The following OTUD7A variants were observed in gnomAD, a reference collection of about 807,000 sequenced individuals.
OTUD7A encodes the protein OTU deubiquitinase 7A.
Under a neutral mutation model 65.7 loss-of-function variants are expected in OTUD7A, and 12 were observed. That is an observed-to-expected ratio of 0.18 (90% confidence interval 0.12 to 0.30). The LOEUF is 0.30. OTUD7A is among the 10% of genes least tolerant of loss of function. The pLI, the probability that OTUD7A is intolerant of heterozygous loss-of-function variation, is 1.00. For missense variants in OTUD7A, 1,148 were observed against 1,304.8 expected (o/e 0.88, Z 1.85); for synonymous variants, 641 against 586.3 (o/e 1.09, Z -1.35).
chr15:31,615,441 CA>C (rs1362719063), intron 3 of OTUD7A, among the ~76,000 whole-genome samples: 1 of 152,070 alleles, frequency 6.6e-6, no homozygotes, highest in Non-Finnish European at 1.5e-5. Flanking sequence ...TTCTTAACTT[CA>C]AATTATATAA....
intron 1 of OTUD7A, among the ~76,000 whole-genome samples, chr15:31,749,918 TA>T (rs1390152249): frequency 6.6e-5 from 10 of 151,766 alleles, no homozygotes; most frequent in African/African-American, 2.4e-4. Flanking sequence ...TATACACCAA[TA>T]ACATTCAAGC....
rs2041114381 is a variant in OTUD7A at position 31,481,255 on chromosome 15, G to C, written c.*2039C>G. 2 of 152,118 alleles carry C rather than the reference G, an allele frequency of 1.3e-5. No homozygotes were observed. The highest frequency in any genetic ancestry group is 2.9e-5 in the Non-Finnish European group (2 of 68,034). 9.4% of individuals were successfully genotyped at this position (152,118 alleles called of 1,614,324 possible). A position where few individuals can be genotyped will look rare whatever the true frequency, so the allele number is the denominator to read the frequency against. Reference sequence around the variant, plus strand: ...AGTTTGGTTTCTGAATGGATTATTGGAGCATTTTTAAGGTTGGGTGTCTCA... The same window carrying C: ...AGTTTGGTTTCTGAATGGATTATTGCAGCATTTTTAAGGTTGGGTGTCTCA... On this transcript the variant is annotated 3_prime_UTR_variant, in exon 13 of 13. Transcript: ENST00000307050.
intron 1 of OTUD7A, among the ~76,000 whole-genome samples, chr15:31,697,408 G>A (rs574345274): frequency 0.018 from 2,638 of 143,286 alleles, 110 homozygotes; most frequent in African/African-American, 0.065. Context: ...CTCGCATGCT[G>A]TCTGCTGAAT....
At chr15:31,865,508 G>A (rs913939088) in intron 1 of OTUD7A, among the ~76,000 whole-genome samples, 1 of 152,328 alleles carries the variant, frequency 6.6e-6, no homozygotes, top group African/African-American at 2.4e-5. Flanking sequence ...CTAACCCTAA[G>A]CTTACTGTAA....
At chr15:31,723,234 C>A (rs1232129940) in intron 1 of OTUD7A, among the ~76,000 whole-genome samples, 1 of 152,182 alleles carries the variant, frequency 6.6e-6, no homozygotes, top group Non-Finnish European at 1.5e-5. Flanking sequence ...GGAGGCCTGC[C>A]AGCCAACTAC....
intron 5 of OTUD7A, among the ~76,000 whole-genome samples, chr15:31,531,176 C>G (rs1887610095): frequency 1.3e-5 from 2 of 152,090 alleles, no homozygotes. Context: ...GGCACACATA[C>G]CTTTGAAAGT....
chr15:31,809,400 G>A (rs925986938), intron 1 of OTUD7A, among the ~76,000 whole-genome samples: 5 of 152,166 alleles, frequency 3.3e-5, no homozygotes, highest in African/African-American at 9.7e-5. Context: ...TCTAGCGTTG[G>A]GCAATGGATA....
At chr15:31,560,714 C>T (rs965281417) in intron 4 of OTUD7A, among the ~76,000 whole-genome samples, 7 of 149,930 alleles carry the variant, frequency 4.7e-5, no homozygotes, top group African/African-American at 1.8e-4. Context: ...TAAGCATTGT[C>T]TAAGCCCTGT....
At chr15:31,546,597 T>G (rs540089048) in intron 5 of OTUD7A, among the ~76,000 whole-genome samples, 46 of 152,312 alleles carry the variant, frequency 3.0e-4, no homozygotes, top group African/African-American at 1.1e-3. Context: ...GGAACTGAAT[T>G]GGCCAGCACC....
At position 31,518,427 on chromosome 15, in the gene OTUD7A, C is replaced by T. The variant is rs530705471; in HGVS notation, c.893+7922G>A. 2.9e-4 allele frequency among the ~76,000 whole-genome samples: 44 copies of T among 151,936 alleles called. 2 individuals carry two copies. Among genetic ancestry groups the T allele is most frequent in the African/African-American group, 1.0e-3 (42 of 41,404 alleles). On this transcript the variant is annotated intron_variant, in intron 8 of 12. Coordinates refer to ENST00000307050, the MANE Select transcript of OTUD7A (RefSeq NM_001382637.1). ...GGTGGAGGTTGCAGTGAGCCGAGAT[C>T]GCACCACTGCATTCTAGCCTGGGTG...
chr15:31,687,293 C>T (rs1311642985), intron 1 of OTUD7A, among the ~76,000 whole-genome samples: 9 of 152,118 alleles, frequency 5.9e-5, no homozygotes, highest in Non-Finnish European at 1.2e-4. Context: ...ATGAATACTT[C>T]CTGCCATAGT....
chr15:31,737,829 T>G (rs1027435538), intron 1 of OTUD7A, among the ~76,000 whole-genome samples: 1 of 152,180 alleles, frequency 6.6e-6, no homozygotes, highest in Non-Finnish European at 1.5e-5. Flanking sequence ...AGGACATCCA[T>G]GCTGTACAGT....
intron 1 of OTUD7A, among the ~76,000 whole-genome samples, chr15:31,668,677 T>G (rs1892394954): frequency 6.6e-6 from 1 of 152,222 alleles, no homozygotes; most frequent in African/African-American, 2.4e-5. Context: ...TTGGTTTGGA[T>G]CCATTGCTGG....
At chr15:31,565,959 G>A (rs576000751) in intron 4 of OTUD7A, among the ~76,000 whole-genome samples, 92 of 152,280 alleles carry the variant, frequency 6.0e-4, no homozygotes, top group African/African-American at 2.1e-3. Context: ...TTGGGAGGCC[G>A]AGGTAGGTGG....
intron 8 of OTUD7A, among the ~76,000 whole-genome samples, chr15:31,519,679 G>T (rs983972373): frequency 3.3e-5 from 5 of 152,128 alleles, no homozygotes; most frequent in African/African-American, 1.2e-4. Context: ...AAAACAAAAG[G>T]CATCCAAATT....
intron 1 of OTUD7A, among the ~76,000 whole-genome samples, chr15:31,865,543 A>T (rs1897855746): frequency 6.6e-6 from 1 of 152,242 alleles, no homozygotes; most frequent in Non-Finnish European, 1.5e-5. Flanking sequence ...TAATTCATAG[A>T]AAGTTCCTAA....
At chr15:31,830,665 A>G (rs1398523770) in intron 1 of OTUD7A, among the ~76,000 whole-genome samples, 3 of 152,238 alleles carry the variant, frequency 2.0e-5, no homozygotes, top group African/African-American at 7.2e-5. Context: ...CACTTATACC[A>G]CAATGATGTG....
intron 3 of OTUD7A, among the ~76,000 whole-genome samples, chr15:31,632,096 G>A (rs542449874): frequency 7.6e-4 from 115 of 152,306 alleles, no homozygotes; most frequent in African/African-American, 2.5e-3. Flanking sequence ...GCTCGTCAAA[G>A]TCATTCTCCG....
At chr15:31,527,346 G>T in intron 6 of OTUD7A, 38 bp from the exon 7 acceptor site, 2 of 1,606,288 alleles carry the variant, frequency 1.2e-6, no homozygotes, top group Non-Finnish European at 1.7e-6. Flanking sequence ...AGGAGAGAAA[G>T]GACATGAGAA....
Sources: allele counts gnomAD v4.1 joint callset (sites outside exome capture counted in the v4.1 genomes callset), GRCh38; gene constraint gnomAD v4.1.1; transcripts MANE v1.5; gene names NCBI Gene and HGNC (gene_info 2026-07-23, HGNC 2026-07-21).